L3MBTL4: variants seen among roughly 807,000 people sequenced by gnomAD.
L3MBTL4 encodes the protein lethal(3)malignant brain tumor-like protein 4.
In L3MBTL4, 70 loss-of-function variants were observed where a neutral mutation model predicts 84.5. That is an observed-to-expected ratio of 0.83 (90% CI 0.68 to 1.01). L3MBTL4 has a LOEUF of 1.01. Among genes scored for constraint, L3MBTL4 ranks in the 50% least tolerant of loss-of-function variants. L3MBTL4 has a pLI of 0.00. For synonymous variants in L3MBTL4, 274 were observed against 259.8 expected (o/e 1.05, Z -0.52); for missense variants, 715 against 754.8 (o/e 0.95, Z 0.62).
intron 16 of L3MBTL4, among the ~76,000 whole-genome samples, chr18:6,012,075 T>C (rs901519759): frequency 6.6e-6 from 1 of 152,220 alleles, no homozygotes; most frequent in Non-Finnish European, 1.5e-5. Flanking sequence ...TGCGGGCTGC[T>C]GGACTACGAA....
At chr18:6,175,354 A>G (rs1465139451) in intron 12 of L3MBTL4, among the ~76,000 whole-genome samples, 2 of 152,216 alleles carry the variant, frequency 1.3e-5, no homozygotes, top group African/African-American at 4.8e-5. Flanking sequence ...TCCTTCAAAA[A>G]AGACTAAAAC....
chr18:6,250,110 T>C (rs2047859096), intron 5 of L3MBTL4, among the ~76,000 whole-genome samples: 1 of 152,252 alleles, frequency 6.6e-6, no homozygotes, highest in African/African-American at 2.4e-5. Context: ...TTTTGCTTTG[T>C]CATTTTCTTT....
intron 12 of L3MBTL4, among the ~76,000 whole-genome samples, chr18:6,183,109 C>A (rs929721660): frequency 6.6e-6 from 1 of 152,104 alleles, no homozygotes; most frequent in Admixed American, 6.5e-5. Context: ...AAGATTTGCA[C>A]AAGAAATAAA....
intron 15 of L3MBTL4, among the ~76,000 whole-genome samples, chr18:6,091,575 G>A (rs2058459277): frequency 6.6e-6 from 1 of 152,076 alleles, no homozygotes; most frequent in Non-Finnish European, 1.5e-5. Flanking sequence ...TTCCTATTTG[G>A]CATATTTCAG....
chr18:6,339,357 T>A (rs1490374511), intron 1 of L3MBTL4, among the ~76,000 whole-genome samples: 4 of 152,068 alleles, frequency 2.6e-5, no homozygotes, highest in East Asian at 3.9e-4. Context: ...TAACAGAAAA[T>A]CCTCAACTGC....
chr18:6,032,184 G>T, intron 16 of L3MBTL4: 1 of 355,116 alleles, frequency 2.8e-6, no homozygotes, highest in Non-Finnish European at 4.2e-6. Flanking sequence ...TCACTGCGTT[G>T]GCCAGGATGG....
chr18:6,217,441 G>A (rs1422907061), intron 10 of L3MBTL4, among the ~76,000 whole-genome samples: 1 of 152,156 alleles, frequency 6.6e-6, no homozygotes, highest in African/African-American at 2.4e-5. Context: ...GGGTCAGGTG[G>A]ATTATTGCCT....
At chr18:6,009,899 G>A (rs973313630) in intron 16 of L3MBTL4, among the ~76,000 whole-genome samples, 2 of 148,302 alleles carry the variant, frequency 1.3e-5, no homozygotes, top group African/African-American at 5.1e-5. Context: ...AGCCTTAAAT[G>A]AGACTACAAA....
At chr18:6,156,412 A>C (rs745556857) in intron 13 of L3MBTL4, among the ~76,000 whole-genome samples, 1 of 152,202 alleles carries the variant, frequency 6.6e-6, no homozygotes, top group Non-Finnish European at 1.5e-5. Context: ...ACTCTTCCTC[A>C]TGTAATATTT....
At chr18:6,075,541 G>A (rs1029129267) in intron 16 of L3MBTL4, among the ~76,000 whole-genome samples, 7 of 152,110 alleles carry the variant, frequency 4.6e-5, no homozygotes, top group African/African-American at 1.4e-4. Flanking sequence ...TAGGTACACT[G>A]TAGATCTAAA....
intron 16 of L3MBTL4, among the ~76,000 whole-genome samples, chr18:6,045,766 C>T (rs966896429): frequency 6.6e-6 from 1 of 152,186 alleles, no homozygotes; most frequent in Non-Finnish European, 1.5e-5. Context: ...AGAACAATAT[C>T]TTCTACCACA....
At chr18:6,253,543 A>C (rs966824667) in intron 5 of L3MBTL4, among the ~76,000 whole-genome samples, 2 of 152,200 alleles carry the variant, frequency 1.3e-5, no homozygotes, top group Non-Finnish European at 1.5e-5. Flanking sequence ...GAGGCAGAGG[A>C]TTTTAAGGTG....
chr18:6,145,635 T>C (rs907421299), intron 13 of L3MBTL4, among the ~76,000 whole-genome samples: 17 of 151,858 alleles, frequency 1.1e-4, no homozygotes, highest in African/African-American at 4.1e-4. Context: ...TGGGTGATAA[T>C]ATCCACTAGA....
At chr18:6,263,144 T>C (rs2048479767) in intron 5 of L3MBTL4, among the ~76,000 whole-genome samples, 1 of 151,798 alleles carries the variant, frequency 6.6e-6, no homozygotes, top group Non-Finnish European at 1.5e-5. Context: ...GTGGCACGCA[T>C]CTGTAATCCC....
At chr18:6,321,047 G>T (rs948099644) in intron 1 of L3MBTL4, among the ~76,000 whole-genome samples, 1 of 152,088 alleles carries the variant, frequency 6.6e-6, no homozygotes, top group African/African-American at 2.4e-5. Flanking sequence ...AATGAAACAG[G>T]ATCCCTCTCT....
chr18:6,223,565 C>T (rs546060166), intron 10 of L3MBTL4, among the ~76,000 whole-genome samples: 2 of 152,236 alleles, frequency 1.3e-5, no homozygotes, highest in East Asian at 3.9e-4. Flanking sequence ...TGGATATGAG[C>T]ATGTATGTGC....
At chr18:6,091,564 A>T (rs2143611805) in intron 15 of L3MBTL4, among the ~76,000 whole-genome samples, 1 of 152,340 alleles carries the variant, frequency 6.6e-6, no homozygotes, top group East Asian at 1.9e-4. Flanking sequence ...TGTAGTAATT[A>T]TTCCTATTTG....
chr18:6,385,137 C>T (rs909659815), intron 1 of L3MBTL4, among the ~76,000 whole-genome samples: 2 of 152,164 alleles, frequency 1.3e-5, no homozygotes, highest in Non-Finnish European at 2.9e-5. Flanking sequence ...CACAGTGGTT[C>T]ACGCCTGCAA....
chr18:6,012,935 C>T (rs1471859812), intron 16 of L3MBTL4, among the ~76,000 whole-genome samples: 3 of 152,166 alleles, frequency 2.0e-5, no homozygotes, highest in African/African-American at 7.2e-5. Flanking sequence ...CCTCTCCTCT[C>T]TTCTCCTTTC....
Sources: allele counts gnomAD v4.1 joint callset (sites outside exome capture counted in the v4.1 genomes callset), GRCh38; gene constraint gnomAD v4.1.1; transcripts MANE v1.5; gene names NCBI Gene and HGNC (gene_info 2026-07-23, HGNC 2026-07-21).